STXBP5L: variants seen among roughly 807,000 people sequenced by gnomAD.
STXBP5L encodes the protein syntaxin binding protein 5L.
A neutral mutation model predicts 144.5 loss-of-function variants in STXBP5L; 65 were observed. The ratio of observed to expected loss-of-function variants is 0.45; its 90% CI spans 0.37 to 0.55. The LOEUF (loss-of-function observed/expected upper bound fraction) is 0.55. Among genes scored for constraint, STXBP5L ranks in the 20% least tolerant of loss-of-function variants. The pLI is 0.00. For synonymous variants in STXBP5L, 505 were observed against 469.6 expected, an observed-to-expected ratio of 1.08 and a Z score of -0.97; for missense variants, 1,298 against 1,405.5, an observed-to-expected ratio of 0.92 and a Z score of 1.22.
chr3:121,328,941 T>C (rs1428004119), intron 20 of STXBP5L, among the ~76,000 whole-genome samples: 1 of 151,740 alleles, frequency 6.6e-6, no homozygotes, highest in Admixed American at 6.6e-5. Flanking sequence ...TATAAAAATA[T>C]GATGAAAAAT....
intron 16 of STXBP5L, 98 bp from the exon 17 acceptor site, chr3:121,257,063 T>C: frequency 1.1e-6 from 1 of 911,732 alleles, no homozygotes; most frequent in African/African-American, 1.7e-5. Flanking sequence ...TAAAAAGTTA[T>C]CAGGTATTTT....
intron 10 of STXBP5L, among the ~76,000 whole-genome samples, chr3:121,218,479 A>C (rs2048871995): frequency 6.6e-6 from 1 of 151,254 alleles, no homozygotes; most frequent in South Asian, 2.1e-4. Flanking sequence ...TGAATTTGTT[A>C]TATTCTAGCA....
At chr3:121,305,118 A>T (rs576665860) in intron 19 of STXBP5L, among the ~76,000 whole-genome samples, 2 of 152,246 alleles carry the variant, frequency 1.3e-5, no homozygotes, top group Admixed American at 6.5e-5. Flanking sequence ...GTAACACCAA[A>T]CACATTGGAA....
chr3:120,947,443 A>G (rs1710932466), intron 2 of STXBP5L, among the ~76,000 whole-genome samples: 1 of 151,844 alleles, frequency 6.6e-6, no homozygotes, highest in Non-Finnish European at 1.5e-5. Flanking sequence ...GAGAAGAAAA[A>G]ATTCTTTTAC....
rs191107395 is a variant in STXBP5L, at chr3:121,097,318, C to T, written c.471-17607C>T. 4.2e-3 allele frequency among the ~76,000 whole-genome samples: 646 copies of T among 152,142 alleles called. 5 individuals are homozygous for T. Among genetic ancestry groups the T allele is most frequent in the African/African-American group, 0.015 (613 of 41,520 alleles). ...CAGCACCCCTTTCCAGGGGAGTGAA[C>T]GGTTCTGTCTTGCTGGCATTCCAGG... On this transcript the variant is annotated intron_variant, in intron 5 of 26. Transcript: ENST00000471454.
At chr3:121,145,409 A>G (rs997262515) in intron 7 of STXBP5L, among the ~76,000 whole-genome samples, 6 of 151,914 alleles carry the variant, frequency 3.9e-5, no homozygotes, top group African/African-American at 1.4e-4. Flanking sequence ...CACCCATTGT[A>G]TTTCCAGTTT....
chr3:121,035,723 T>A (rs927411816), intron 3 of STXBP5L, among the ~76,000 whole-genome samples: 3 of 152,166 alleles, frequency 2.0e-5, no homozygotes, highest in African/African-American at 7.2e-5. Flanking sequence ...TTTTAAGATT[T>A]TTTCTAATTC....
chr3:121,096,202 A>G (rs575476133), intron 5 of STXBP5L, among the ~76,000 whole-genome samples: 1 of 152,134 alleles, frequency 6.6e-6, no homozygotes, highest in Non-Finnish European at 1.5e-5. Flanking sequence ...TCATGCTGGG[A>G]GTTGTGGACT....
chr3:121,119,631 C>G (rs1362866480), intron 6 of STXBP5L, among the ~76,000 whole-genome samples: 1 of 151,074 alleles, frequency 6.6e-6, no homozygotes, highest in Non-Finnish European at 1.5e-5. Flanking sequence ...AATCCAAAGT[C>G]CACAGATGCT....
At chr3:121,131,136 A>G (rs1056612338) in intron 7 of STXBP5L, among the ~76,000 whole-genome samples, 3 of 152,154 alleles carry the variant, frequency 2.0e-5, no homozygotes, top group African/African-American at 7.2e-5. Flanking sequence ...GCAAACCAAC[A>G]TCCAACCTAA....
chr3:120,974,168 AG>A, intron 3 of STXBP5L, among the ~76,000 whole-genome samples: 1 of 152,214 alleles, frequency 6.6e-6, no homozygotes, highest in Middle Eastern at 3.4e-3. Flanking sequence ...ACAGTGTAAA[AG>A]TGTTCCTATT....
intron 3 of STXBP5L, among the ~76,000 whole-genome samples, chr3:120,996,311 T>C (rs1943342291): frequency 6.6e-6 from 1 of 152,098 alleles, no homozygotes; most frequent in East Asian, 1.9e-4. Context: ...TGGGAAATTT[T>C]TAGTGATAGT....
chr3:121,067,802 T>G (rs2041618215), intron 5 of STXBP5L, among the ~76,000 whole-genome samples: 1 of 152,192 alleles, frequency 6.6e-6, no homozygotes, highest in African/African-American at 2.4e-5. Flanking sequence ...ATACATTTAT[T>G]TTCTGTATAT....
At chr3:120,930,371 AT>A (rs1709869139) in intron 2 of STXBP5L, among the ~76,000 whole-genome samples, 1 of 151,692 alleles carries the variant, frequency 6.6e-6, no homozygotes, top group Non-Finnish European at 1.5e-5. Flanking sequence ...ATTTCCTTAT[AT>A]TGATGTGTTT....
chr3:121,113,180 C>T (rs553334200), intron 5 of STXBP5L, among the ~76,000 whole-genome samples: 1 of 152,084 alleles, frequency 6.6e-6, no homozygotes, highest in Non-Finnish European at 1.5e-5. Context: ...TCTTCTTAAC[C>T]CTGGAAGTGA....
At chr3:121,305,200 C>G (rs775549956) in intron 19 of STXBP5L, among the ~76,000 whole-genome samples, 1 of 152,110 alleles carries the variant, frequency 6.6e-6, no homozygotes, top group Non-Finnish European at 1.5e-5. Flanking sequence ...AAACTACAAG[C>G]CACAGGTGGC....
At chr3:121,406,895 T>C (rs1443639959) in intron 22 of STXBP5L, among the ~76,000 whole-genome samples, 1 of 152,046 alleles carries the variant, frequency 6.6e-6, no homozygotes, top group African/African-American at 2.4e-5. Flanking sequence ...TATAGTATAA[T>C]GAAAGAATCG....
At chr3:121,077,954 A>T (rs1038013865) in intron 5 of STXBP5L, among the ~76,000 whole-genome samples, 2 of 151,378 alleles carry the variant, frequency 1.3e-5, no homozygotes, top group Non-Finnish European at 2.9e-5. Context: ...AGATTCTCCA[A>T]GTCCCCACCA....
At chr3:121,295,379 C>T (rs1172868678) in intron 19 of STXBP5L, among the ~76,000 whole-genome samples, 1 of 151,896 alleles carries the variant, frequency 6.6e-6, no homozygotes, top group Non-Finnish European at 1.5e-5. Context: ...AGAGATGAAA[C>T]AAGTGATTGT....
Sources: allele counts gnomAD v4.1 joint callset (sites outside exome capture counted in the v4.1 genomes callset), GRCh38; gene constraint gnomAD v4.1.1; transcripts MANE v1.5; gene names NCBI Gene and HGNC (gene_info 2026-07-23, HGNC 2026-07-21).